Variants in MED14 observed in about 807,000 individuals in gnomAD.
MED14 encodes the protein mediator complex subunit 14.
In MED14, 8 loss-of-function variants were observed where a neutral mutation model predicts 109.0. The observed-to-expected ratio is 0.07, with a 90% CI of 0.04 to 0.13. The LOEUF is 0.13. Ranked by LOEUF, MED14 falls within the 10% of genes least tolerant of loss-of-function variation. The probability of loss-of-function intolerance (pLI) is 1.00; values close to 1 mark genes in which losing one functional copy is unlikely to be tolerated. For missense variants in MED14, 711 were observed against 1,142.4 expected (o/e 0.62, Z 5.44); for synonymous variants, 399 against 408.7 (o/e 0.98, Z 0.29).
rs183475596 is a variant in MED14 at position 40,666,670 on chromosome X, A to T, written c.3265+50T>A. The T allele has an allele frequency of 4.2e-4, 490 of 1,166,593 alleles. 2 individuals are homozygous for T. In the East Asian group the frequency reaches 0.014, roughly 34 times the overall value. On this transcript the variant is annotated intron_variant, in intron 24 of 30. Transcript: ENST00000324817. ...TGAAAAAATTTACTCAACAAAAATTATTTTCACATCAAGCTCTTATGCTAT... is the reference window on the plus strand; with the variant it reads ...TGAAAAAATTTACTCAACAAAAATTTTTTTCACATCAAGCTCTTATGCTAT...
chrX:40,666,766 C>T lies in MED14; in HGVS notation c.3219G>A (p.Ser1073=), dbSNP rs1467945724. 1.7e-6 allele frequency: 2 copies of T among 1,205,507 alleles called. No homozygotes were observed. The highest frequency in any genetic ancestry group is 2.2e-6 in the Non-Finnish European group (2 of 892,101). The part of the protein sequence containing the change: ...ASFVPTPPPS[S]HGISIGPGAS... Reference sequence around the variant, plus strand: ...CCCCTGGTCCTATTGAGATTCCATGCGAGGATGGGGGAGGAGTTGGAACAA... The same window carrying T: ...CCCCTGGTCCTATTGAGATTCCATGTGAGGATGGGGGAGGAGTTGGAACAA... The change falls in exon 24 of 31, where the codon TCG becomes TCA. Residue 1073 remains serine (S), a synonymous_variant. Transcript: ENST00000324817.
chrX:40,693,570 C>T (rs1388771315), intron 13 of MED14, among the ~76,000 whole-genome samples: 1 of 111,310 alleles, frequency 9.0e-6, no homozygotes, highest in African/African-American at 3.3e-5. Flanking sequence ...TGTCCAGTCT[C>T]AGGTATTTCT....
At chrX:40,675,994 C>A (rs1336515788) in intron 21 of MED14, among the ~76,000 whole-genome samples, 1 of 112,247 alleles carries the variant, frequency 8.9e-6, no homozygotes, top group Non-Finnish European at 1.9e-5. Context: ...CACTAGAGAG[C>A]TATTAATAGT....
chrX:40,665,115 T>C (rs1178599946), intron 24 of MED14, among the ~76,000 whole-genome samples: 1 of 112,348 alleles, frequency 8.9e-6, no homozygotes, highest in African/African-American at 3.2e-5. Flanking sequence ...GAAAAAATAC[T>C]TTTACCATGT....
chrX:40,661,929 T>C (rs1477989400), intron 26 of MED14, among the ~76,000 whole-genome samples: 3 of 111,453 alleles, frequency 2.7e-5, no homozygotes, highest in African/African-American at 9.8e-5. Context: ...AGTGGCGCGA[T>C]CTTGGCTCAC....
At chrX:40,712,126 A>G in intron 7 of MED14, 60 bp downstream of exon 7, 1 of 873,670 alleles carries the variant, frequency 1.1e-6, no homozygotes, top group Non-Finnish European at 1.6e-6. Flanking sequence ...ACAAATGAAA[A>G]ATGTGGGAGA....
intron 16 of MED14, among the ~76,000 whole-genome samples, chrX:40,686,351 A>C (rs1457651696): frequency 8.9e-6 from 1 of 111,865 alleles, no homozygotes; most frequent in Non-Finnish European, 1.9e-5. Context: ...TGAAAAATAC[A>C]ACTAAGAGAA....
chrX:40,682,627 A>G lies in MED14; in HGVS notation c.2341T>C (p.Leu781=). The stretch of plus-strand genomic sequence containing the variant: ...CCTGGTAGAGAACGTGCAAATTCCA[A>G]CACACACTCATATAATCGTGCAATG... ...NSIARLYECV[L]EFARSLPDIP... is the part of the protein sequence containing the mutation. Residue 781 remains leucine, a synonymous_variant, in exon 18 of 31, where the codon TTG becomes CTG. Transcript: ENST00000324817. 1 of 1,186,435 alleles carries G rather than the reference A, an allele frequency of 8.4e-7. No homozygotes were observed. Among genetic ancestry groups the G allele is most frequent in the Non-Finnish European group, 1.1e-6 (1 of 881,932 alleles).
intron 3 of MED14, among the ~76,000 whole-genome samples, chrX:40,718,856 A>C (rs1451126546): frequency 1.8e-5 from 2 of 111,100 alleles, no homozygotes; most frequent in African/African-American, 6.6e-5. Context: ...AAATAAATAA[A>C]AGATAAAACT....
At chrX:40,660,493 A>G (rs1319661990) in intron 26 of MED14, among the ~76,000 whole-genome samples, 2 of 112,199 alleles carry the variant, frequency 1.8e-5, no homozygotes, top group African/African-American at 6.5e-5. Context: ...TATGCACTAT[A>G]TGGTCTCTGT....
intron 30 of MED14, among the ~76,000 whole-genome samples, chrX:40,652,197 T>C (rs868140336): frequency 2.7e-5 from 3 of 112,281 alleles, no homozygotes; most frequent in Non-Finnish European, 3.8e-5. Context: ...TTAAGGCTAC[T>C]GAGTGCTTAT....
At chrX:40,682,535 C>T in intron 18 of MED14, 68 bp downstream of exon 18, 1 of 908,087 alleles carries the variant, frequency 1.1e-6, no homozygotes, top group Non-Finnish European at 1.5e-6. Flanking sequence ...TGTTTCACTT[C>T]AGTTAAAAAA....
At chrX:40,672,438 A>C (rs1929762772) in intron 22 of MED14, among the ~76,000 whole-genome samples, 1 of 112,163 alleles carries the variant, frequency 8.9e-6, no homozygotes, top group African/African-American at 3.2e-5. Flanking sequence ...GGTGGCATTT[A>C]GTATCAATGA....
intron 28 of MED14, among the ~76,000 whole-genome samples, chrX:40,657,116 C>T (rs752444378): frequency 9.0e-5 from 10 of 111,259 alleles, no homozygotes; most frequent in South Asian, 7.6e-4. Context: ...CTCAAACTCC[C>T]AACCTCACGT....
At chrX:40,724,271 G>A (rs930023967) in intron 3 of MED14, among the ~76,000 whole-genome samples, 11 of 112,311 alleles carry the variant, frequency 9.8e-5, no homozygotes, top group African/African-American at 3.6e-4. Flanking sequence ...AGCATTGGAC[G>A]GATCTCCCAG....
At chrX:40,658,975 A>G (rs1332274533) in intron 28 of MED14, among the ~76,000 whole-genome samples, 1 of 112,189 alleles carries the variant, frequency 8.9e-6, no homozygotes, top group Non-Finnish European at 1.9e-5. Flanking sequence ...TTGGACAGGG[A>G]TAGAGGGGAC....
intron 13 of MED14, among the ~76,000 whole-genome samples, chrX:40,696,490 T>C (rs1930730590): frequency 9.1e-6 from 1 of 110,307 alleles, no homozygotes; most frequent in African/African-American, 3.3e-5. Context: ...ATATTTAAAA[T>C]TATTGCAAAT....
intron 6 of MED14, 144 bp downstream of exon 6, chrX:40,712,770 C>A: frequency 1.8e-6 from 1 of 549,494 alleles, no homozygotes; most frequent in Non-Finnish European, 2.7e-6. Flanking sequence ...AACTCCTGAG[C>A]TCAAGCGATC....
At chrX:40,704,358 T>C (rs1274183545) in intron 10 of MED14, among the ~76,000 whole-genome samples, 2 of 112,203 alleles carry the variant, frequency 1.8e-5, no homozygotes, top group African/African-American at 3.2e-5. Context: ...ACCAAGTTCC[T>C]CTGAAGCTAC....
Sources: gnomAD v4.1 joint callset for allele counts (sites outside exome capture counted in the v4.1 genomes callset) on GRCh38, gnomAD v4.1.1 for gene constraint, MANE v1.5 for transcripts, NCBI Gene and HGNC (gene_info 2026-07-23, HGNC 2026-07-21) for gene names.